The following PUDP variants were observed in gnomAD, a reference collection of about 807,000 sequenced individuals.
PUDP encodes pseudouridine-5'-phosphatase.
In PUDP, 8 loss-of-function variants were observed where a neutral mutation model predicts 9.4. The observed-to-expected ratio is 0.85, with a 90% CI of 0.50 to 1.53. The LOEUF is 1.53. Among genes scored for constraint, PUDP ranks in the 40% most tolerant of loss-of-function variants. PUDP has a pLI of 0.00. For missense variants in PUDP, 188 were observed against 189.7 expected (o/e 0.99, Z 0.05); for synonymous variants, 99 against 80.7 (o/e 1.23, Z -1.22).
At chrX:7,047,036 C>A (rs757909804), downstream of PUDP, among the ~76,000 whole-genome samples, 11 of 112,071 alleles carry the variant, frequency 9.8e-5, no homozygotes, top group East Asian at 2.5e-3. Flanking sequence ...CTGTGAGAAG[C>A]CCCTGCCATA....
intron 1 of PUDP, among the ~76,000 whole-genome samples, chrX:6,983,943 C>T (rs1030837109): frequency 1.5e-4 from 17 of 112,403 alleles, no homozygotes; most frequent in Non-Finnish European, 3.0e-4. Flanking sequence ...CCCCTATGCT[C>T]GGGCCCACTC....
At chrX:6,741,371 T>C (rs1381769864) in intron 3 of PUDP, among the ~76,000 whole-genome samples, 1 of 111,847 alleles carries the variant, frequency 8.9e-6, no homozygotes, top group African/African-American at 3.3e-5. Flanking sequence ...AATGAATGCA[T>C]CTATAGGAAG....
chrX:7,030,601 A>G (rs1247929676), intron 1 of PUDP, among the ~76,000 whole-genome samples: 1 of 110,717 alleles, frequency 9.0e-6, no homozygotes, highest in African/African-American at 3.3e-5. Context: ...AGGGGAGGCC[A>G]CTCTCTAGCC....
At chrX:6,844,298 T>C (rs188554344) in intron 3 of PUDP, among the ~76,000 whole-genome samples, 2 of 113,098 alleles carry the variant, frequency 1.8e-5, no homozygotes, top group African/African-American at 3.2e-5. Context: ...CTCCTTGCTA[T>C]GCAACATATA....
At chrX:6,871,759 TA>T (rs1927178557) in intron 3 of PUDP, among the ~76,000 whole-genome samples, 1 of 111,524 alleles carries the variant, frequency 9.0e-6, no homozygotes, top group Non-Finnish European at 1.9e-5. Context: ...CAAACCAGGA[TA>T]AATTTGATCA....
At chrX:6,860,830 C>A (rs1926991356) in intron 3 of PUDP, among the ~76,000 whole-genome samples, 1 of 112,160 alleles carries the variant, frequency 8.9e-6, no homozygotes, top group Non-Finnish European at 1.9e-5. Context: ...ATGTGTTATC[C>A]AAACTCAAGG....
exon 3 of PUDP, among the ~76,000 whole-genome samples, chrX:6,977,197 A>G (rs1436154832): frequency 8.9e-6 from 1 of 112,019 alleles, no homozygotes; most frequent in Non-Finnish European, 1.9e-5. Flanking sequence ...AGGAACAGGC[A>G]GGAAGAACCC....
intron 3 of PUDP, among the ~76,000 whole-genome samples, chrX:6,964,668 T>C (rs1007633229): frequency 9.0e-6 from 1 of 110,880 alleles, no homozygotes; most frequent in African/African-American, 3.3e-5. Flanking sequence ...AGCAAGACTA[T>C]GTCTCAAAAA....
At chrX:7,111,991 TAA>T (rs5901334) in intron 1 of PUDP, among the ~76,000 whole-genome samples, 3 of 98,152 alleles carry the variant, frequency 3.1e-5, no homozygotes. Context: ...ATATTTTGCT[TAA>T]AAAAAAAAAA....
intron 1 of PUDP, among the ~76,000 whole-genome samples, chrX:7,134,821 C>T (rs1179145816): frequency 8.9e-6 from 1 of 112,362 alleles, no homozygotes; most frequent in Non-Finnish European, 1.9e-5. Flanking sequence ...GTATTAAAAT[C>T]AGCAAAATGT....
chrX:7,027,805 T>A (rs191099074), intron 1 of PUDP, among the ~76,000 whole-genome samples: 289 of 12,053 alleles, frequency 0.024, 6 homozygotes, highest in Admixed American at 0.098. Flanking sequence ...AATATATTAT[T>A]TTCTATATAT....
chrX:6,844,597 T>C (rs1421288474), intron 3 of PUDP, among the ~76,000 whole-genome samples: 3 of 112,461 alleles, frequency 2.7e-5, no homozygotes, highest in Non-Finnish European at 5.6e-5. Context: ...TGATGCCAAA[T>C]TGTATTAGGA....
rs748237765 is a variant in PUDP at position 6,900,489 on chromosome X, GA to G, written c.*247+76643del. Among the ~76,000 whole-genome samples, 227 of 108,382 alleles carry G rather than the reference GA, an allele frequency of 2.1e-3. 3 individuals are homozygous for G. The Middle Eastern group carries it at 0.037, about 18-fold the overall frequency. The allele number at this position is 108,382 out of a possible 115,157, so 94.1% of individuals were successfully genotyped here. A position where few individuals can be genotyped will look rare whatever the true frequency, so the allele number is the denominator to read the frequency against. ...AGAAATCTGTTTTACAAAAGAGCAA[GA>G]AAGTGAGGTAGTAAAAGAGAGAGGG... On this transcript the variant is annotated intron_variant and NMD_transcript_variant, in intron 3 of 3. Transcript: ENST00000655425.
At chrX:6,809,892 G>A (rs1257622574) in intron 3 of PUDP, among the ~76,000 whole-genome samples, 2 of 110,444 alleles carry the variant, frequency 1.8e-5, no homozygotes, top group Non-Finnish European at 1.9e-5. Flanking sequence ...GCAACATAGC[G>A]AGACCCAGTC....
At chrX:6,947,874 C>T (rs1928493227) in intron 3 of PUDP, among the ~76,000 whole-genome samples, 1 of 112,109 alleles carries the variant, frequency 8.9e-6, no homozygotes, top group Admixed American at 9.5e-5. Context: ...CCATATCATT[C>T]ATAATTTGAC....
intron 1 of PUDP, among the ~76,000 whole-genome samples, chrX:6,984,787 G>A (rs756890520): frequency 9.0e-6 from 1 of 111,437 alleles, no homozygotes; most frequent in African/African-American, 3.3e-5. Flanking sequence ...TTTATCTAAG[G>A]ATTCACGCAA....
chrX:6,779,863 G>A (rs1042996660), intron 3 of PUDP, among the ~76,000 whole-genome samples: 9 of 110,874 alleles, frequency 8.1e-5, no homozygotes, highest in African/African-American at 2.6e-4. Context: ...GGAGTCTGAG[G>A]CTGCAGTGAG....
chrX:6,911,658 A>G (rs1052405651), intron 3 of PUDP, among the ~76,000 whole-genome samples: 2 of 111,083 alleles, frequency 1.8e-5, no homozygotes, highest in African/African-American at 6.5e-5. Flanking sequence ...TTAAGGTTTT[A>G]ATGTTTGAAT....
At chrX:6,885,902 T>C (rs190961959) in intron 3 of PUDP, among the ~76,000 whole-genome samples, 1 of 112,879 alleles carries the variant, frequency 8.9e-6, no homozygotes, top group East Asian at 2.8e-4. Flanking sequence ...TTAAGTTTGC[T>C]ATCAAGTTGC....
Sources: allele counts gnomAD v4.1 joint callset (sites outside exome capture counted in the v4.1 genomes callset), GRCh38; gene constraint gnomAD v4.1.1; transcripts MANE v1.5; gene names NCBI Gene and HGNC (gene_info 2026-07-23, HGNC 2026-07-21).